Variants in APOA5 observed in about 807,000 individuals in gnomAD.
APOA5 encodes the protein apolipoprotein A-V.
Under a neutral mutation model 31.8 loss-of-function variants are expected in APOA5, and 26 were observed. That is an observed-to-expected ratio of 0.82 (90% CI 0.60 to 1.13). APOA5 has a LOEUF of 1.13. Ranked by LOEUF, APOA5 falls within the 50% of genes most tolerant of loss-of-function variation. The pLI, the probability that APOA5 is intolerant of heterozygous loss-of-function variation, is 0.00. For synonymous variants in APOA5, 186 were observed against 198.5 expected (o/e 0.94, Z 0.53); for missense variants, 450 against 488.0 (o/e 0.92, Z 0.73).
chr11:116,792,298 C>CCA (rs2134204926), upstream of APOA5: 1 of 297,340 alleles, frequency 3.4e-6, no homozygotes, highest in Non-Finnish European at 6.6e-6. Context: ...GTCTTAGGGG[C>CCA]CACCCCAGGC....
intron 2 of APOA5, 70 bp downstream of exon 2, chr11:116,791,516 G>C: frequency 7.0e-7 from 1 of 1,436,250 alleles, no homozygotes. Context: ...TGAGGCAGCA[G>C]AGGCAGGTCA....
intron 2 of APOA5, 160 bp downstream of exon 2, chr11:116,791,426 T>G (rs1195057267): frequency 3.5e-6 from 3 of 850,062 alleles, no homozygotes; most frequent in Non-Finnish European, 5.7e-6. Flanking sequence ...CAGAGGGCGC[T>G]AAAGAGCCCA....
Position 116,790,851 on chromosome 11 carries a change from C to T in APOA5, c.378G>A (p.Arg126=). ...ELVGWNLEGL[R]QQLKPYTMDL... is the part of the protein sequence containing the mutation. Reference sequence around the variant, plus strand: ...CCATCGTGTAGGGCTTCAGTTGCTGCCGCAAGCCCTCCAAATTCCAGCCCA... The same window carrying T: ...CCATCGTGTAGGGCTTCAGTTGCTGTCGCAAGCCCTCCAAATTCCAGCCCA... Residue 126 remains arginine, a synonymous_variant, in exon 3 of 3, where the codon CGG becomes CGA. Transcript: ENST00000227665. 1.2e-6 allele frequency: 2 copies of T among 1,613,790 alleles called. No individual in the cohort carries two copies. The highest frequency in any genetic ancestry group is 1.7e-6 in the Non-Finnish European group (2 of 1,179,998).
chr11:116,790,837 G>A lies in APOA5; in HGVS notation c.392C>T (p.Pro131Leu). The change falls in exon 3 of 3, where the codon CCC becomes CTC. Residue 131 changes from proline to leucine, a missense_variant. Transcript: ENST00000227665. ...CTGCTCCATCAGATCCATCGTGTAG[G>A]GCTTCAGTTGCTGCCGCAAGCCCTC... Reference protein sequence around the residue: ...NLEGLRQQLKPYTMDLMEQVA... With the variant: ...NLEGLRQQLKLYTMDLMEQVA... 6.2e-7 allele frequency: 1 copy of A among 1,613,782 alleles called. No individual in the cohort carries two copies. The highest frequency in any genetic ancestry group is 1.1e-5 in the South Asian group (1 of 91,084).
At position 116,789,722 on chromosome 11, in the gene APOA5, G is replaced by A. The variant is rs1053741927; in HGVS notation, c.*406C>T. The A allele has an allele frequency of 3.7e-5, 12 of 328,138 alleles. No homozygotes were observed. The Admixed American group carries it at 4.2e-4, about 11-fold the overall frequency. 20.3% of individuals were successfully genotyped at this position (328,138 alleles called of 1,614,324 possible). A position where few individuals can be genotyped will look rare whatever the true frequency, so the allele number is the denominator to read the frequency against. On this transcript the variant is annotated 3_prime_UTR_variant, in exon 3 of 3. Transcript: ENST00000227665. ...AAGTGCTCCTCTCTGTGGACCAGCT[G>A]TAGCAGTGGCCACCAGGCAGCCAGA...
intron 2 of APOA5, 133 bp from the exon 3 acceptor site, chr11:116,791,200 T>C (rs764751940): frequency 1.5e-5 from 12 of 813,512 alleles, no homozygotes; most frequent in Non-Finnish European, 2.5e-5. Flanking sequence ...CGAGGGCTCT[T>C]GTCCTAGCCC....
At chr11:116,791,194 G>T in intron 2 of APOA5, 127 bp from the exon 3 acceptor site, 1 of 858,860 alleles carries the variant, frequency 1.2e-6, no homozygotes, top group Non-Finnish European at 1.9e-6. Context: ...CAGGGTCGAG[G>T]GCTCTTGTCC....
In APOA5 at chr11:116,790,611, C is replaced by A. The variant is rs767323687; in HGVS notation, c.618G>T (p.Val206=). 6.2e-6 allele frequency: 10 copies of A among 1,607,674 alleles called. No individual in the cohort carries two copies. The Admixed American group carries it at 6.7e-5, about 11-fold the overall frequency. ...GAGCCACACTGCGGTGCAGCTCCTG[C>A]ACGTGGCGCCCGATGCCGCTCACCA... ...ESLVSGIGRH[V]QELHRSVAPH... The change falls in exon 3 of 3, where the codon GTG becomes GTT. Residue 206 remains valine, a synonymous_variant. Coordinates refer to ENST00000227665, the MANE Select transcript of APOA5 (RefSeq NM_001371904.1).
intron 2 of APOA5, 176 bp downstream of exon 2, chr11:116,791,410 T>G: frequency 1.6e-5 from 12 of 768,618 alleles, no homozygotes; most frequent in Non-Finnish European, 2.4e-5. Context: ...AGGCGGGGGC[T>G]GCAGGCAGAG....
Position 116,791,812 on chromosome 11 carries a change from C to G in APOA5, c.49G>C (p.Ala17Pro). ...VLTWALALLS[A>P]FSATQARKGF... ...GTTGAAGTCAGGGTCGGAGACCCAC[C>G]TGAAAGAAGAGCCAGAGCCCAGGTG... The change falls in exon 1 of 3, where the codon GCG becomes CCG. Residue 17 changes from alanine to proline, a missense_variant and splice_region_variant. Ala to Pro is a conservative substitution (Grantham distance 27, BLOSUM62 -1). Transcript: ENST00000227665. 1 of 1,614,216 alleles carries G rather than the reference C, an allele frequency of 6.2e-7. No homozygotes were observed. Among genetic ancestry groups the G allele is most frequent in the Non-Finnish European group, 8.5e-7 (1 of 1,180,052 alleles).
Position 116,790,990 on chromosome 11 carries a change from C to A in APOA5, c.239G>T (p.Ser80Ile). ...GTCCTGTGGGAGCCGAGGAGCCTCG[C>A]TCCCACTCAGAGGCCTCAGCTTTTC... ...FLEKLRPLSG[S>I]EAPRLPQDPV... Residue 80 changes from serine to isoleucine, a missense_variant, in exon 3 of 3, where the codon AGC (serine) becomes ATC (isoleucine). Ser to Ile is a moderately radical substitution (Grantham distance 142, BLOSUM62 -2). Coordinates refer to ENST00000227665, the MANE Select transcript of APOA5 (RefSeq NM_001371904.1). The A allele has an allele frequency of 6.2e-7, 1 of 1,612,380 alleles. No individual in the cohort carries two copies. The highest frequency in any genetic ancestry group is 8.5e-7 in the Non-Finnish European group (1 of 1,179,464).
chr11:116,791,857 C>T lies in APOA5; in HGVS notation c.4G>A (p.Ala2Thr). The change falls in exon 1 of 3, where the codon GCA (alanine) becomes ACA (threonine). Residue 2 changes from alanine to threonine, a missense_variant. Ala to Thr is a moderately conservative substitution (Grantham distance 58, BLOSUM62 0). Coordinates refer to ENST00000227665, the MANE Select transcript of APOA5 (RefSeq NM_001371904.1). M[A>T]SMAAVLTWAL... is the part of the protein sequence containing the mutation. Reference sequence around the variant, plus strand: ...CAGGTGAGCACGGCAGCCATGCTTGCCATTACCTGCTCTGAGAAGACAGGT... The same window carrying T: ...CAGGTGAGCACGGCAGCCATGCTTGTCATTACCTGCTCTGAGAAGACAGGT... 1 of 1,614,172 alleles carries T rather than the reference C, an allele frequency of 6.2e-7. No individual in the cohort carries two copies. The highest frequency in any genetic ancestry group is 8.5e-7 in the Non-Finnish European group (1 of 1,180,026).
intron 2 of APOA5, 101 bp downstream of exon 2, chr11:116,791,485 C>T: frequency 8.1e-7 from 1 of 1,230,196 alleles, no homozygotes; most frequent in Non-Finnish European, 1.2e-6. Flanking sequence ...TTTCCTCTGT[C>T]CCAGCAGCGG....
Position 116,789,828 on chromosome 11 carries a change from A to C in APOA5, c.*300T>G, listed in dbSNP as rs1235511041. The C allele has an allele frequency of 2.1e-6, 1 of 487,594 alleles. No individual in the cohort carries two copies. 30.2% of individuals were successfully genotyped at this position (487,594 alleles called of 1,614,324 possible). ...AACAGGCTTGCAGATAATCACCCAC[A>C]TGCATGGTGCCTCTCCCTCCCTACT... On this transcript the variant is annotated 3_prime_UTR_variant, in exon 3 of 3. Coordinates refer to ENST00000227665, the MANE Select transcript of APOA5 (RefSeq NM_001371904.1).
chr11:116,790,179 G>C lies in APOA5; in HGVS notation c.1050C>G (p.Asp350Glu). 6.2e-7 allele frequency: 1 copy of C among 1,614,252 alleles called. No homozygotes were observed. Among genetic ancestry groups the C allele is most frequent in the South Asian group, 1.1e-5 (1 of 91,082 alleles). The change falls in exon 3 of 3, where the codon GAC (aspartate) becomes GAG (glutamate). Residue 350 changes from aspartate (D) to glutamate (E), a missense_variant. Asp to Glu is a conservative substitution (Grantham distance 45, BLOSUM62 2). Transcript: ENST00000227665. ...LQARLDDLWEDITHSLHDQGH... is the reference protein window; with the variant it reads ...LQARLDDLWEEITHSLHDQGH... ...CCTGGTCATGAAGGCTGTGAGTGAT[G>C]TCTTCCCACAGGTCATCCAGACGGG...
Position 116,790,638 on chromosome 11 carries a change from GCT to G in APOA5, c.589_590del (p.Ser197ProfsTer70). 6.2e-7 allele frequency: 1 copy of G among 1,611,240 alleles called. No homozygotes were observed. The highest frequency in any genetic ancestry group is 8.5e-7 in the Non-Finnish European group (1 of 1,179,834). On this transcript the variant is annotated frameshift_variant, in exon 3 of 3. Coordinates refer to ENST00000227665, the MANE Select transcript of APOA5 (RefSeq NM_001371904.1). LOFTEE classifies it high-confidence loss of function. ...CGTGGCGCCCGATGCCGCTCACCAGGCTCTCGGCGTATGGGTGGAAGAGCTCT... is the reference window on the plus strand; with the variant it reads ...CGTGGCGCCCGATGCCGCTCACCAGGCTCGGCGTATGGGTGGAAGAGCTCT... The part of the protein sequence containing the change: ...FKELFHPYAE[S>X]LVSGIGRHVQ...
Position 116,790,777 on chromosome 11 carries a change from A to G in APOA5, c.452T>C (p.Leu151Ser). 6.2e-7 allele frequency: 1 copy of G among 1,613,546 alleles called. No individual in the cohort carries two copies. Among genetic ancestry groups the G allele is most frequent in the Non-Finnish European group, 8.5e-7 (1 of 1,179,986 alleles). The stretch of plus-strand genomic sequence containing the variant: ...CTTGGTGTCTTCCCCCACCACGCGC[A>G]ACTGCTCCTGCAGCTCCTGCACGCG... ...ALRVQELQEQ[L>S]RVVGEDTKAQ... is the part of the protein sequence containing the mutation. Residue 151 changes from leucine (L) to serine (S), a missense_variant, in exon 3 of 3, where the codon TTG (leucine) becomes TCG (serine). By Grantham distance (145) the Leu-to-Ser change is moderately radical. Transcript: ENST00000227665.
rs1270831897 is a variant in APOA5, at chr11:116,790,161, A to G, written c.1068T>C (p.His356=). ...DLWEDITHSL[H]DQGHSHLGDP is the part of the protein sequence containing the mutation. The stretch of plus-strand genomic sequence containing the variant: ...CCCCCAGATGGCTGTGGCCCTGGTC[A>G]TGAAGGCTGTGAGTGATGTCTTCCC... The change falls in exon 3 of 3, where the codon CAT becomes CAC. Residue 356 remains histidine, a synonymous_variant. Transcript: ENST00000227665. 6.8e-6 allele frequency: 11 copies of G among 1,614,116 alleles called. No homozygotes were observed. Among genetic ancestry groups the G allele is most frequent in the Non-Finnish European group, 9.3e-6 (11 of 1,180,050 alleles).
Position 116,790,470 on chromosome 11 carries a change from C to T in APOA5, c.759G>A (p.Leu253=). ...CAAAGGCTCTGCTGAGCTCTTCGCGCAGCTGGTCCAGGTTCTGCTGGATGC... is the reference window on the plus strand; with the variant it reads ...CAAAGGCTCTGCTGAGCTCTTCGCGTAGCTGGTCCAGGTTCTGCTGGATGC... ...HARIQQNLDQ[L]REELSRAFAG... is the part of the protein sequence containing the mutation. The change falls in exon 3 of 3, where the codon CTG becomes CTA. Residue 253 remains leucine (L), a synonymous_variant. Transcript: ENST00000227665. 6 of 1,602,932 alleles carry T rather than the reference C, an allele frequency of 3.7e-6. No individual in the cohort carries two copies. Among genetic ancestry groups the T allele is most frequent in the Non-Finnish European group, 5.1e-6 (6 of 1,179,868 alleles).
Sources: allele counts gnomAD v4.1 joint callset, GRCh38; gene constraint gnomAD v4.1.1; transcripts MANE v1.5; gene names NCBI Gene and HGNC (gene_info 2026-07-23, HGNC 2026-07-21).